The following DEUP1 variants were observed in gnomAD, a reference collection of about 807,000 sequenced individuals.
DEUP1 encodes the protein coiled-coil domain containing 67.
A neutral mutation model predicts 87.4 loss-of-function variants in DEUP1; 82 were observed. The observed-to-expected ratio is 0.94, with a 90% CI of 0.78 to 1.13. DEUP1 has a LOEUF of 1.13. DEUP1 is among the 50% of genes most tolerant of loss of function. The pLI, the probability that DEUP1 is intolerant of heterozygous loss-of-function variation, is 0.00. For synonymous variants in DEUP1, 214 were observed against 222.7 expected (o/e 0.96, Z 0.35); for missense variants, 663 against 681.5 (o/e 0.97, Z 0.30).
At chr11:93,427,721 A>G (rs1306167278) in intron 13 of DEUP1, among the ~76,000 whole-genome samples, 5 of 151,040 alleles carry the variant, frequency 3.3e-5, no homozygotes, top group Non-Finnish European at 7.4e-5. Context: ...TTCACAACCT[A>G]CTCATCTGAC....
intron 13 of DEUP1, among the ~76,000 whole-genome samples, chr11:93,431,402 G>C (rs1365925306): frequency 6.6e-6 from 1 of 152,102 alleles, no homozygotes; most frequent in Non-Finnish European, 1.5e-5. Flanking sequence ...AGGGAAGAGG[G>C]AGACTGGAAC....
chr11:93,349,840 C>CTA, intron 2 of DEUP1, among the ~76,000 whole-genome samples: 1 of 152,150 alleles, frequency 6.6e-6, no homozygotes, highest in Admixed American at 6.5e-5. Flanking sequence ...TCAGAGCTTG[C>CTA]TATACCAAGG....
chr11:93,385,534 A>T lies in DEUP1; in HGVS notation c.926A>T (p.Asn309Ile). The change falls in exon 8 of 14, where the codon AAT becomes ATT. Residue 309 changes from asparagine (N) to isoleucine (I), a missense_variant. Physicochemically the swap from Asn to Ile is moderately radical, Grantham distance 149. Transcript: ENST00000298050. ...KIGECQNAQG[N>I]KTRLESSYLP... ...GGAGAGTGCCAAAATGCTCAAGGAA[A>T]TAAAACAAGGTATAATCTTTATATT... The T allele has an allele frequency of 6.2e-7, 1 of 1,602,294 alleles. No homozygotes were observed. The highest frequency in any genetic ancestry group is 8.5e-7 in the Non-Finnish European group (1 of 1,176,048).
intron 7 of DEUP1, among the ~76,000 whole-genome samples, chr11:93,375,258 T>C (rs1425050684): frequency 2.0e-5 from 3 of 152,126 alleles, no homozygotes; most frequent in Admixed American, 6.5e-5. Flanking sequence ...TTGACTTCTT[T>C]TTTACTGATT....
intron 7 of DEUP1, among the ~76,000 whole-genome samples, chr11:93,371,983 C>T (rs1330790588): frequency 6.7e-6 from 1 of 148,760 alleles, no homozygotes; most frequent in Non-Finnish European, 1.5e-5. Flanking sequence ...GGCTGGAGTG[C>T]AGTGGCGGGA....
At chr11:93,353,233 G>A (rs1944714258) in intron 2 of DEUP1, among the ~76,000 whole-genome samples, 1 of 152,160 alleles carries the variant, frequency 6.6e-6, no homozygotes, top group Non-Finnish European at 1.5e-5. Flanking sequence ...ATCCAGCAGG[G>A]CAGCTAAATC....
chr11:93,362,275 C>T (rs1945211653), intron 4 of DEUP1, among the ~76,000 whole-genome samples: 3 of 151,884 alleles, frequency 2.0e-5, no homozygotes, highest in Admixed American at 1.3e-4. Context: ...AGTGAAAAGA[C>T]CCCCAGCAAT....
chr11:93,351,704 A>C (rs1001578587), intron 2 of DEUP1, among the ~76,000 whole-genome samples: 11 of 152,158 alleles, frequency 7.2e-5, no homozygotes, highest in African/African-American at 2.4e-4. Flanking sequence ...TTTAAGTAAA[A>C]ATTGAAAGCC....
At chr11:93,374,040 T>C (rs1020453653) in intron 7 of DEUP1, among the ~76,000 whole-genome samples, 1 of 152,138 alleles carries the variant, frequency 6.6e-6, no homozygotes, top group Non-Finnish European at 1.5e-5. Flanking sequence ...ATTAGTGACG[T>C]TGAGCATTTT....
At position 93,385,611 on chromosome 11, in the gene DEUP1, T is replaced by C. The variant is rs1032418682; in HGVS notation, c.935+68T>C. 6 of 1,275,558 alleles carry C rather than the reference T, an allele frequency of 4.7e-6. No homozygotes were observed. In the African/African-American group the frequency reaches 9.1e-5, roughly 19 times the overall value. The allele number at this position is 1,275,558 out of a possible 1,614,324, so 79.0% of individuals were successfully genotyped here. A position where few individuals can be genotyped will look rare whatever the true frequency, so the allele number is the denominator to read the frequency against. ...CATGATGTTTGAATGTTTTTAAGAG[T>C]TTTATATTTGAAATGAGAATATAAA... On this transcript the variant is annotated intron_variant, in intron 8 of 13. Coordinates refer to ENST00000298050, the MANE Select transcript of DEUP1 (RefSeq NM_181645.4).
intron 4 of DEUP1, among the ~76,000 whole-genome samples, chr11:93,358,289 C>A (rs1024444331): frequency 4.6e-5 from 7 of 152,112 alleles, no homozygotes; most frequent in African/African-American, 1.4e-4. Flanking sequence ...TGAATCCTTG[C>A]CATTTGATGC....
At chr11:93,410,345 C>T (rs942248005) in intron 12 of DEUP1, among the ~76,000 whole-genome samples, 5 of 152,058 alleles carry the variant, frequency 3.3e-5, no homozygotes, top group African/African-American at 7.2e-5. Context: ...TGAAAGAGGT[C>T]GCTGGGCATG....
rs1247414219 is a variant in DEUP1, at chr11:93,394,445, T to C, written c.1042-14T>C. 1 of 1,523,184 alleles carries C rather than the reference T, an allele frequency of 6.6e-7. No homozygotes were observed. The highest frequency in any genetic ancestry group is 2.4e-5 in the East Asian group (1 of 42,416). 94.4% of individuals were successfully genotyped at this position (1,523,184 alleles called of 1,614,324 possible). A position where few individuals can be genotyped will look rare whatever the true frequency, so the allele number is the denominator to read the frequency against. On this transcript the variant is annotated splice_polypyrimidine_tract_variant and intron_variant, in intron 9 of 13. Coordinates refer to ENST00000298050, the MANE Select transcript of DEUP1 (RefSeq NM_181645.4). ...AAAGGATTCAATAATATTTCCAGTCTCTATCTGCTGCAGATAAGAAGCCAA... is the reference window on the plus strand; with the variant it reads ...AAAGGATTCAATAATATTTCCAGTCCCTATCTGCTGCAGATAAGAAGCCAA...
intron 9 of DEUP1, 21 bp downstream of exon 9, chr11:93,389,146 C>T: frequency 7.3e-7 from 1 of 1,362,850 alleles, no homozygotes; most frequent in Non-Finnish European, 1.0e-6. Flanking sequence ...TAATGAGCTC[C>T]ATTCTTCCAG....
At chr11:93,417,506 A>G (rs994915422) in intron 13 of DEUP1, among the ~76,000 whole-genome samples, 1 of 152,214 alleles carries the variant, frequency 6.6e-6, no homozygotes, top group African/African-American at 2.4e-5. Context: ...GAGAACTACA[A>G]ACCACTGCTC....
chr11:93,379,899 T>C (rs1161925400), intron 7 of DEUP1, among the ~76,000 whole-genome samples: 1 of 152,264 alleles, frequency 6.6e-6, no homozygotes. Context: ...AAAATCCAGC[T>C]ACTCATAGAA....
At chr11:93,352,362 C>G (rs1415256330) in intron 2 of DEUP1, 2 of 702,384 alleles carry the variant, frequency 2.8e-6, no homozygotes. Context: ...TGGACTTACA[C>G]CAGCTCCCTG....
At chr11:93,412,315 T>C (rs773766160) in intron 12 of DEUP1, among the ~76,000 whole-genome samples, 1 of 152,166 alleles carries the variant, frequency 6.6e-6, no homozygotes, top group Non-Finnish European at 1.5e-5. Context: ...GTGGAAAAGA[T>C]CATTGAACAG....
At chr11:93,358,307 C>T (rs1944994488) in intron 4 of DEUP1, among the ~76,000 whole-genome samples, 3 of 152,146 alleles carry the variant, frequency 2.0e-5, no homozygotes, top group Admixed American at 2.0e-4. Flanking sequence ...TGCTTTGCCG[C>T]TCTATTTTAT....
Sources: allele counts gnomAD v4.1 joint callset (sites outside exome capture counted in the v4.1 genomes callset), GRCh38; gene constraint gnomAD v4.1.1; transcripts MANE v1.5; gene names NCBI Gene and HGNC (gene_info 2026-07-23, HGNC 2026-07-21).